The following PLPPR5 variants were observed in gnomAD, a reference collection of about 807,000 sequenced individuals.
PLPPR5 encodes phospholipid phosphatase related 5, also known as phospholipid phosphatase-related protein type 5.
Under a neutral mutation model 33.9 loss-of-function variants are expected in PLPPR5, and 16 were observed. The observed-to-expected ratio is 0.47, with a 90% CI of 0.32 to 0.72. The LOEUF is 0.72. Ranked by LOEUF, PLPPR5 falls within the 30% of genes least tolerant of loss-of-function variation. The pLI, the probability that PLPPR5 is intolerant of heterozygous loss-of-function variation, is 0.03. For missense variants in PLPPR5, 301 were observed against 406.7 expected (o/e 0.74, Z 2.23); for synonymous variants, 163 against 150.3 (o/e 1.08, Z -0.62).
At chr1:98,937,493 C>T (rs1372778099) in intron 3 of PLPPR5, among the ~76,000 whole-genome samples, 1 of 151,826 alleles carries the variant, frequency 6.6e-6, no homozygotes, top group Non-Finnish European at 1.5e-5. Context: ...TTCACTGGAA[C>T]ACTGGTGCTT....
At chr1:98,964,975 T>A (rs1199047173) in intron 1 of PLPPR5, among the ~76,000 whole-genome samples, 2 of 116,988 alleles carry the variant, frequency 1.7e-5, no homozygotes, top group East Asian at 4.2e-4. Context: ...AATTTTTGAT[T>A]TTTTTTTTTT....
At chr1:99,004,039 T>A (rs1652968382) in intron 1 of PLPPR5, among the ~76,000 whole-genome samples, 1 of 152,170 alleles carries the variant, frequency 6.6e-6, no homozygotes, top group African/African-American at 2.4e-5. Context: ...CGCCCGCCGC[T>A]GCTCTTCTTC....
intron 3 of PLPPR5, among the ~76,000 whole-genome samples, chr1:98,937,321 C>A (rs1650206006): frequency 6.6e-6 from 1 of 152,232 alleles, no homozygotes; most frequent in South Asian, 2.1e-4. Context: ...ATAACAGTCT[C>A]TAACCCCTTG....
At chr1:98,994,844 A>T (rs944308378) in intron 1 of PLPPR5, among the ~76,000 whole-genome samples, 7 of 152,274 alleles carry the variant, frequency 4.6e-5, no homozygotes, top group East Asian at 3.9e-4. Context: ...AGATGAACTC[A>T]TTGGTAAAAT....
rs1298207655 is a variant in PLPPR5 at position 98,995,538 on chromosome 1, G to C, written c.237+8897C>G. The stretch of plus-strand genomic sequence containing the variant: ...GGAGATACTTCCCACTCTTGAATGA[G>C]TAGGGTACAGGACTCTAGTAAGGCC... On this transcript the variant is annotated intron_variant, in intron 1 of 5. Coordinates refer to ENST00000263177, the MANE Select transcript of PLPPR5 (RefSeq NM_001037317.2). 5.3e-5 allele frequency among the ~76,000 whole-genome samples: 8 copies of C among 152,062 alleles called. No homozygotes were observed. The East Asian group carries it at 1.5e-3, about 29-fold the overall frequency.
chr1:98,910,882 G>T (rs573328497), intron 5 of PLPPR5, among the ~76,000 whole-genome samples: 1 of 115,208 alleles, frequency 8.7e-6, no homozygotes, highest in Non-Finnish European at 1.8e-5. Context: ...GCCCTAGCCA[G>T]AGAGTGTTTT....
At position 98,895,766 on chromosome 1, in the gene PLPPR5, A is replaced by G. The variant is rs186690958; in HGVS notation, c.934-2662T>C. Among the ~76,000 whole-genome samples, 390 of 152,002 alleles carry G rather than the reference A, an allele frequency of 2.6e-3. 2 individuals carry two copies. The highest frequency in any genetic ancestry group is 8.7e-3 in the African/African-American group (363 of 41,496). On this transcript the variant is annotated intron_variant, in intron 5 of 5. Coordinates refer to ENST00000263177, the MANE Select transcript of PLPPR5 (RefSeq NM_001037317.2). ...TTCTGAGGTGCTTTCATTTTTTTCT[A>G]TTTGACTGGGATTAGAAGTATCCTG...
chr1:98,972,527 A>G (rs1237489300), intron 1 of PLPPR5, among the ~76,000 whole-genome samples: 3 of 152,124 alleles, frequency 2.0e-5, no homozygotes, highest in African/African-American at 7.2e-5. Context: ...ATCAGTTTTT[A>G]TAATTTATGA....
At chr1:98,965,532 T>C (rs1190342118) in intron 1 of PLPPR5, among the ~76,000 whole-genome samples, 1 of 152,150 alleles carries the variant, frequency 6.6e-6, no homozygotes, top group Admixed American at 6.6e-5. Flanking sequence ...AAAAGCCCCA[T>C]TCTGCTGATG....
chr1:98,931,196 T>G (rs1649951697), intron 3 of PLPPR5, among the ~76,000 whole-genome samples: 1 of 152,166 alleles, frequency 6.6e-6, no homozygotes, highest in Non-Finnish European at 1.5e-5. Flanking sequence ...ATATTTATCT[T>G]TTTCTCCCAT....
At chr1:98,969,288 G>T (rs779830097) in intron 1 of PLPPR5, among the ~76,000 whole-genome samples, 9 of 151,896 alleles carry the variant, frequency 5.9e-5, no homozygotes, top group Non-Finnish European at 1.0e-4. Context: ...GTCTTCAGAA[G>T]GCAAAAGTAA....
chr1:98,971,384 T>C (rs900822686), intron 1 of PLPPR5, among the ~76,000 whole-genome samples: 1 of 152,026 alleles, frequency 6.6e-6, no homozygotes, highest in African/African-American at 2.4e-5. Flanking sequence ...AGCTTTCCTA[T>C]TGATTATAAA....
intron 5 of PLPPR5, among the ~76,000 whole-genome samples, chr1:98,906,970 T>C (rs1227436924): frequency 6.6e-6 from 1 of 152,208 alleles, no homozygotes; most frequent in African/African-American, 2.4e-5. Context: ...TCTCATTTTT[T>C]ATTATAAAAC....
chr1:98,916,310 T>C (rs555396729), intron 4 of PLPPR5, among the ~76,000 whole-genome samples: 1 of 152,328 alleles, frequency 6.6e-6, no homozygotes, highest in South Asian at 2.1e-4. Context: ...GCCTGATAAT[T>C]TGATACCTCA....
At chr1:98,988,377 T>C (rs1057053898) in intron 1 of PLPPR5, among the ~76,000 whole-genome samples, 38 of 152,110 alleles carry the variant, frequency 2.5e-4, no homozygotes, top group African/African-American at 8.9e-4. Context: ...GGGATAACTG[T>C]AGAGAAAAAG....
At chr1:98,912,815 T>A (rs1386935052) in intron 5 of PLPPR5, among the ~76,000 whole-genome samples, 1 of 152,146 alleles carries the variant, frequency 6.6e-6, no homozygotes, top group African/African-American at 2.4e-5. Flanking sequence ...TTTGTGGAAT[T>A]TATATAAACC....
At chr1:98,921,687 A>T (rs75889624) in intron 4 of PLPPR5, among the ~76,000 whole-genome samples, 195 bp downstream of exon 4, 3,579 of 152,046 alleles carry the variant, frequency 0.024, 138 homozygotes, top group African/African-American at 0.082. Context: ...TCATCCCCAA[A>T]CCTGACTTGT....
At chr1:98,922,125 G>A (rs1020733270) in intron 3 of PLPPR5, 67 bp from the exon 4 acceptor site, 2 of 1,404,022 alleles carry the variant, frequency 1.4e-6, no homozygotes, top group African/African-American at 1.4e-5. Flanking sequence ...AGCATATTAT[G>A]TGTATGTACA....
At chr1:98,976,092 T>TAAAAAAAAAAAAAAAAAAAA (rs34637022) in intron 1 of PLPPR5, among the ~76,000 whole-genome samples, 1 of 74,706 alleles carries the variant, frequency 1.3e-5, no homozygotes, top group Non-Finnish European at 2.7e-5. Flanking sequence ...TACTAAAAAG[T>TAAAAAAAAAAAAAAAAAAAA]AAAAAAAAAA....
Sources: allele counts gnomAD v4.1 joint callset (sites outside exome capture counted in the v4.1 genomes callset), GRCh38; gene constraint gnomAD v4.1.1; transcripts MANE v1.5; gene names NCBI Gene and HGNC (gene_info 2026-07-23, HGNC 2026-07-21).